The following SGCD variants were observed in gnomAD, a reference collection of about 807,000 sequenced individuals.
SGCD encodes sarcoglycan delta.
SGCD carries 18 observed loss-of-function variants against 36.6 expected under a neutral mutation model. The observed-to-expected ratio is 0.49, with a 90% CI of 0.34 to 0.73. The LOEUF is 0.73. Among genes scored for constraint, SGCD ranks in the 30% least tolerant of loss-of-function variants. The pLI, the probability that SGCD is intolerant of heterozygous loss-of-function variation, is 0.01. For missense variants in SGCD, 387 were observed against 346.7 expected (o/e 1.12, Z -0.92); for synonymous variants, 133 against 130.6 (o/e 1.02, Z -0.12).
the SGCD span, among the ~76,000 whole-genome samples, chr5:155,761,954 C>G: frequency 6.6e-6 from 1 of 152,164 alleles, no homozygotes; most frequent in African/African-American, 2.4e-5. Context: ...GTGCTAAGTA[C>G]ATTTCCTAAC....
chr5:156,106,318 G>T (rs146690169), intron 1 of SGCD, among the ~76,000 whole-genome samples: 1 of 152,200 alleles, frequency 6.6e-6, no homozygotes, highest in Non-Finnish European at 1.5e-5. Flanking sequence ...TGGAAACTGT[G>T]ATAGCTATGT....
intron 3 of SGCD, among the ~76,000 whole-genome samples, chr5:156,229,916 GT>G (rs2127650763): frequency 6.6e-6 from 1 of 152,162 alleles, no homozygotes; most frequent in South Asian, 2.1e-4. Context: ...TTATTTTTGA[GT>G]TCCGAATTTC....
rs1561574943 is a variant in SGCD at position 156,229,278 on chromosome 5, A to ATG, written c.-43-100255_-43-100254insGT. Reference sequence around the variant, plus strand: ...CATACATACATATATATATACATACATATATATATATATATATATATAAAA... The same window carrying ATG: ...CATACATACATATATATATACATACATGTATATATATATATATATATATAAAA... On this transcript the variant is annotated intron_variant, in intron 3 of 9. Transcript: ENST00000517913. 6.2e-5 allele frequency among the ~76,000 whole-genome samples: 4 copies of ATG among 64,804 alleles called. No individual in the cohort carries two copies. In the South Asian group the frequency reaches 1.9e-3, roughly 31 times the overall value. The allele number at this position is 64,804 out of a possible 152,430, so 42.5% of individuals were successfully genotyped here.
intron 1 of SGCD, among the ~76,000 whole-genome samples, chr5:155,975,917 A>G (rs1363447905): frequency 6.6e-6 from 1 of 151,928 alleles, no homozygotes; most frequent in Non-Finnish European, 1.5e-5. Context: ...GGCGTGAGCC[A>G]CTGCGCTCGG....
At chr5:155,828,980 T>C in the SGCD span, among the ~76,000 whole-genome samples, 1 of 152,004 alleles carries the variant, frequency 6.6e-6, no homozygotes, top group East Asian at 1.9e-4. Context: ...AAATCACTTC[T>C]ACTATTATTA....
chr5:156,406,640 A>T (rs1009954440), intron 3 of SGCD, among the ~76,000 whole-genome samples: 1 of 151,588 alleles, frequency 6.6e-6, no homozygotes, highest in Non-Finnish European at 1.5e-5. Flanking sequence ...TGCAGTAATC[A>T]TTTTATACAA....
chr5:155,992,920 C>T (rs1387797735), intron 1 of SGCD, among the ~76,000 whole-genome samples: 2 of 152,164 alleles, frequency 1.3e-5, no homozygotes, highest in Non-Finnish European at 2.9e-5. Context: ...AGTGCCTCTT[C>T]CATATGCAAA....
intron 3 of SGCD, among the ~76,000 whole-genome samples, chr5:156,185,218 T>A: frequency 7.0e-6 from 1 of 142,646 alleles, no homozygotes; most frequent in African/African-American, 2.8e-5. Context: ...TTTTCTTTTT[T>A]TTTTTTTTTT....
At chr5:155,874,867 A>G (rs1755733638) in intron 1 of SGCD, among the ~76,000 whole-genome samples, 3 of 152,254 alleles carry the variant, frequency 2.0e-5, no homozygotes, top group African/African-American at 7.2e-5. Context: ...TTTTCGAAGA[A>G]GTTAAACTTA....
intron 1 of SGCD, among the ~76,000 whole-genome samples, chr5:156,034,747 G>A (rs1175777490): frequency 1.3e-5 from 2 of 152,168 alleles, no homozygotes; most frequent in Non-Finnish European, 2.9e-5. Context: ...TTCAAGATGT[G>A]TCTCACCCAC....
intron 3 of SGCD, among the ~76,000 whole-genome samples, chr5:156,389,182 A>C (rs78510742): frequency 6.6e-6 from 1 of 152,232 alleles, no homozygotes; most frequent in South Asian, 2.1e-4. Context: ...TGTTGGCTAC[A>C]AAAGCTGGGG....
intron 8 of SGCD, chr5:156,757,910 G>T: frequency 3.0e-6 from 4 of 1,320,442 alleles, no homozygotes; most frequent in Non-Finnish European, 3.9e-6. Flanking sequence ...TTTGTAAAAT[G>T]CAGAGATAAT....
At chr5:156,121,119 G>A (rs1350888776) in intron 2 of SGCD, among the ~76,000 whole-genome samples, 1 of 152,054 alleles carries the variant, frequency 6.6e-6, no homozygotes, top group African/African-American at 2.4e-5. Flanking sequence ...AAGTCATTAA[G>A]GGCTACAAAA....
intron 3 of SGCD, among the ~76,000 whole-genome samples, chr5:156,389,022 T>C (rs1306917396): frequency 6.6e-6 from 1 of 152,098 alleles, no homozygotes; most frequent in Non-Finnish European, 1.5e-5. Flanking sequence ...TTATCTAGAG[T>C]AAGGCTGACA....
At chr5:156,190,330 T>C (rs1447151477) in intron 3 of SGCD, among the ~76,000 whole-genome samples, 1 of 152,136 alleles carries the variant, frequency 6.6e-6, no homozygotes, top group African/African-American at 2.4e-5. Context: ...TAGTGACCCA[T>C]CTACCATGTA....
At position 156,054,562 on chromosome 5, in the gene SGCD, G is replaced by A. The variant is rs536746089; in HGVS notation, c.-281-63316G>A. 2.5e-3 allele frequency among the ~76,000 whole-genome samples: 372 copies of A among 146,756 alleles called. 23 individuals are homozygous for A. Among genetic ancestry groups the A allele is most frequent in the African/African-American group, 8.9e-3 (364 of 40,888 alleles). On this transcript the variant is annotated intron_variant, in intron 1 of 9. Coordinates refer to the SGCD transcript ENST00000517913. ...AGCCTCCCAAAGTGATGGGATTACA[G>A]GCGTGAGCCACCGCGCCCGGCCCCT... is the stretch of plus-strand genomic sequence containing the variant.
At chr5:156,228,141 T>G (rs1764905374) in intron 3 of SGCD, among the ~76,000 whole-genome samples, 1 of 152,168 alleles carries the variant, frequency 6.6e-6, no homozygotes, top group African/African-American at 2.4e-5. Flanking sequence ...AAATGTTCCG[T>G]ATGTATCTGT....
the SGCD span, among the ~76,000 whole-genome samples, chr5:155,824,937 A>G: frequency 1.3e-5 from 2 of 152,196 alleles, no homozygotes; most frequent in African/African-American, 2.4e-5. Context: ...AAAAATATAT[A>G]TATCAGATCA....
chr5:156,417,314 C>T (rs1390649455), intron 3 of SGCD, among the ~76,000 whole-genome samples: 1 of 152,138 alleles, frequency 6.6e-6, no homozygotes, highest in Non-Finnish European at 1.5e-5. Context: ...TGTTGCATAC[C>T]TCTCTAGTCA....
Sources: gnomAD v4.1 joint callset for allele counts (sites outside exome capture counted in the v4.1 genomes callset) on GRCh38, gnomAD v4.1.1 for gene constraint, MANE v1.5 for transcripts, NCBI Gene and HGNC (gene_info 2026-07-23, HGNC 2026-07-21) for gene names.